COMMD10: variants seen among roughly 807,000 people sequenced by gnomAD.
COMMD10 encodes the protein COMM domain containing 10, also known as COMM domain-containing protein 10.
In COMMD10, 33 loss-of-function variants were observed where a neutral mutation model predicts 28.9. The ratio of observed to expected loss-of-function variants is 1.14; its 90% CI spans 0.87 to 1.53. The LOEUF (loss-of-function observed/expected upper bound fraction) is 1.53. Ranked by LOEUF, COMMD10 falls within the 40% of genes most tolerant of loss-of-function variation. The pLI is 0.00. For missense variants in COMMD10, 310 were observed against 233.4 expected (o/e 1.33, Z -2.14); for synonymous variants, 110 against 81.7 (o/e 1.35, Z -1.87).
intron 5 of COMMD10, among the ~76,000 whole-genome samples, chr5:116,155,486 T>C (rs181178696): frequency 2.0e-4 from 31 of 152,228 alleles, no homozygotes; most frequent in Middle Eastern, 3.4e-3. Flanking sequence ...TTCTTAAATA[T>C]ATATTCTATA....
chr5:116,205,734 C>T (rs575960900), intron 5 of COMMD10, among the ~76,000 whole-genome samples: 67 of 152,110 alleles, frequency 4.4e-4, no homozygotes, highest in Non-Finnish European at 6.9e-4. Context: ...GTCAAGATGG[C>T]GCCTTTTAAG....
intron 5 of COMMD10, among the ~76,000 whole-genome samples, chr5:116,284,478 C>A (rs1191516179): frequency 1.3e-5 from 2 of 151,830 alleles, no homozygotes; most frequent in East Asian, 3.9e-4. Context: ...AAGGGTAATT[C>A]TCTTCTTATT....
intron 5 of COMMD10, among the ~76,000 whole-genome samples, chr5:116,276,119 C>A (rs531917225): frequency 6.6e-6 from 1 of 150,916 alleles, no homozygotes; most frequent in South Asian, 2.1e-4. Context: ...GGAAATCAGG[C>A]GAGGTTTTGC....
chr5:116,162,245 T>C lies in COMMD10; in HGVS notation c.510+28067T>C, dbSNP rs1011125359. The stretch of plus-strand genomic sequence containing the variant: ...TTCCAGTTATACAGAAGTTGCATAA[T>C]AGCTACCCACTCAGGTATTTTGGAT... On this transcript the variant is annotated intron_variant, in intron 5 of 6. Coordinates refer to ENST00000274458, the MANE Select transcript of COMMD10 (RefSeq NM_016144.4). Among the ~76,000 whole-genome samples, 6 of 152,178 alleles carry C rather than the reference T, an allele frequency of 3.9e-5. No individual in the cohort carries two copies. In the East Asian group the frequency reaches 1.2e-3, roughly 29 times the overall value.
chr5:116,187,060 C>A (rs1177406688), intron 5 of COMMD10, among the ~76,000 whole-genome samples: 1 of 151,818 alleles, frequency 6.6e-6, no homozygotes, highest in African/African-American at 2.4e-5. Flanking sequence ...AGTGTATATC[C>A]TAAAGTAAAA....
At chr5:116,209,740 C>G (rs901848305) in intron 5 of COMMD10, among the ~76,000 whole-genome samples, 1 of 152,120 alleles carries the variant, frequency 6.6e-6, no homozygotes, top group Non-Finnish European at 1.5e-5. Context: ...CTCCACGCGT[C>G]TCTTAAATAT....
At position 116,253,751 on chromosome 5, in the gene COMMD10, A is replaced by C. The variant is rs369937236; in HGVS notation, c.511-37766A>C. On this transcript the variant is annotated intron_variant, in intron 5 of 6. Transcript: ENST00000274458. Reference sequence around the variant, plus strand: ...AATGTTCATCAAGGATATTGGTCTAAAATTCTCTTTTTTGGTTGTGTCTTT... The same window carrying C: ...AATGTTCATCAAGGATATTGGTCTACAATTCTCTTTTTTGGTTGTGTCTTT... 4.5e-3 allele frequency among the ~76,000 whole-genome samples: 663 copies of C among 148,634 alleles called. 26 individuals carry two copies. The East Asian group carries it at 0.11, about 25-fold the overall frequency.
intron 5 of COMMD10, among the ~76,000 whole-genome samples, chr5:116,146,226 T>C (rs1365894611): frequency 1.3e-5 from 2 of 151,944 alleles, no homozygotes; most frequent in East Asian, 1.9e-4. Context: ...TTCTGTATCC[T>C]AGGAGTTCCC....
chr5:116,162,315 A>G (rs1482490880), intron 5 of COMMD10, among the ~76,000 whole-genome samples: 1 of 151,788 alleles, frequency 6.6e-6, no homozygotes, highest in African/African-American at 2.4e-5. Context: ...ACAAGAAAAT[A>G]TGAAAATTAC....
intron 5 of COMMD10, among the ~76,000 whole-genome samples, chr5:116,148,590 G>A (rs946428739): frequency 1.3e-5 from 2 of 151,678 alleles, no homozygotes; most frequent in South Asian, 4.1e-4. Context: ...AGCAAAGGCT[G>A]GTGGAATTTT....
intron 5 of COMMD10, among the ~76,000 whole-genome samples, chr5:116,171,335 C>A (rs951066024): frequency 6.6e-6 from 1 of 152,120 alleles, no homozygotes; most frequent in African/African-American, 2.4e-5. Flanking sequence ...ACACCAGATG[C>A]TGGAGAGGGT....
At chr5:116,166,263 C>A (rs953171247) in intron 5 of COMMD10, among the ~76,000 whole-genome samples, 1 of 151,984 alleles carries the variant, frequency 6.6e-6, no homozygotes, top group East Asian at 1.9e-4. Context: ...TACAATGTTC[C>A]TTTTTCTATT....
At chr5:116,177,103 G>A (rs77561859) in intron 5 of COMMD10, among the ~76,000 whole-genome samples, 1,797 of 152,168 alleles carry the variant, frequency 0.012, 36 homozygotes, top group African/African-American at 0.04. Flanking sequence ...CAGTGCCACT[G>A]ATAGGTAGCA....
At chr5:116,243,359 A>G (rs577586710) in intron 5 of COMMD10, among the ~76,000 whole-genome samples, 1 of 152,280 alleles carries the variant, frequency 6.6e-6, no homozygotes, top group South Asian at 2.1e-4. Context: ...TTTAAACTGA[A>G]TAGGAGAGTA....
At chr5:116,191,412 T>C (rs1330103145) in intron 5 of COMMD10, among the ~76,000 whole-genome samples, 1 of 151,294 alleles carries the variant, frequency 6.6e-6, no homozygotes, top group Non-Finnish European at 1.5e-5. Context: ...TTCAAGCCTG[T>C]GTCACCCACC....
chr5:116,270,385 G>C (rs1750721369), intron 5 of COMMD10, among the ~76,000 whole-genome samples: 2 of 151,770 alleles, frequency 1.3e-5, no homozygotes, highest in Non-Finnish European at 2.9e-5. Flanking sequence ...TTAACTTCTA[G>C]GCAAAAAAGG....
At chr5:116,159,070 C>T (rs72804849) in intron 5 of COMMD10, among the ~76,000 whole-genome samples, 70 of 152,232 alleles carry the variant, frequency 4.6e-4, no homozygotes, top group Non-Finnish European at 8.5e-4. Flanking sequence ...TCTCTGCTTC[C>T]ACCTTTGTCT....
chr5:116,201,864 A>G (rs1332456080), intron 5 of COMMD10, among the ~76,000 whole-genome samples: 2 of 152,110 alleles, frequency 1.3e-5, no homozygotes, highest in African/African-American at 2.4e-5. Context: ...TGGACTCCCA[A>G]TTAAATTATC....
intron 5 of COMMD10, among the ~76,000 whole-genome samples, chr5:116,185,694 G>T (rs146120296): frequency 6.6e-6 from 1 of 152,104 alleles, no homozygotes; most frequent in East Asian, 1.9e-4. Flanking sequence ...TAGCTCTTGC[G>T]TTGAACTCTA....
Sources: allele counts gnomAD v4.1 joint callset (sites outside exome capture counted in the v4.1 genomes callset), GRCh38; gene constraint gnomAD v4.1.1; transcripts MANE v1.5; gene names NCBI Gene and HGNC (gene_info 2026-07-23, HGNC 2026-07-21).